TOR1AIP2: variants seen among roughly 807,000 people sequenced by gnomAD.
TOR1AIP2 encodes torsin-1A-interacting protein 2.
Under a neutral mutation model 32.6 loss-of-function variants are expected in TOR1AIP2, and 20 were observed. The observed-to-expected ratio is 0.61, with a 90% confidence interval of 0.43 to 0.89. The LOEUF is 0.89. TOR1AIP2 is among the 40% of genes least tolerant of loss of function. The pLI, the probability that TOR1AIP2 is intolerant of heterozygous loss-of-function variation, is 0.00. For missense variants in TOR1AIP2, 456 were observed against 553.8 expected (o/e 0.82, Z 1.77); for synonymous variants, 214 against 210.8 (o/e 1.02, Z -0.13).
At chr1:179,851,478 A>G in intron 4 of TOR1AIP2, 115 bp from the exon 5 acceptor site, 1 of 776,056 alleles carries the variant, frequency 1.3e-6, no homozygotes, top group Middle Eastern at 4.1e-4. Context: ...TTTACAAGAC[A>G]CTTCCTAAAC....
Position 179,850,982 on chromosome 1 carries a change from A to C in TOR1AIP2, c.416T>G (p.Leu139Arg). Residue 139 changes from leucine (L) to arginine (R), a missense_variant, in exon 5 of 7, where the codon CTC becomes CGC. Transcript: ENST00000609928. ...AGTTCCGTCACTCGCTTCCTTAGGG[A>C]GGGCCACAGAGCTGCTCCCTAAGTG... ...DAHLGSSSVA[L>R]PKEASDGTGA... 6.2e-7 allele frequency: 1 copy of C among 1,614,100 alleles called. No individual in the cohort carries two copies. The highest frequency in any genetic ancestry group is 8.5e-7 in the Non-Finnish European group (1 of 1,180,020).
rs1696081554 is a variant in TOR1AIP2, at chr1:179,850,767, G to C, written c.553+78C>G. ...AAAGATGACAAAAGTTCTCTGGAAA[G>C]AAGGCCTCTGACTTCTGCTGTGTTC... On this transcript the variant is annotated intron_variant, in intron 5 of 6. Transcript: ENST00000609928. 2.0e-6 allele frequency: 3 copies of C among 1,503,778 alleles called. No homozygotes were observed. The East Asian group carries it at 6.8e-5, about 34-fold the overall frequency. The allele number at this position is 1,503,778 out of a possible 1,614,324, so 93.2% of individuals were successfully genotyped here.
At chr1:179,848,647 T>C (rs1170098696) in intron 5 of TOR1AIP2, among the ~76,000 whole-genome samples, 1 of 152,218 alleles carries the variant, frequency 6.6e-6, no homozygotes, top group Non-Finnish European at 1.5e-5. Context: ...TCTATTAGCA[T>C]AGATGAGTAG....
chr1:179,859,553 C>T (rs771699496), intron 3 of TOR1AIP2: 14 of 985,320 alleles, frequency 1.4e-5, no homozygotes, highest in Non-Finnish European at 1.6e-5. Flanking sequence ...CAACTTTTCT[C>T]TATTTCTTCT....
intron 3 of TOR1AIP2, among the ~76,000 whole-genome samples, chr1:179,853,736 C>T (rs527654093): frequency 2.0e-5 from 3 of 152,200 alleles, no homozygotes; most frequent in South Asian, 2.1e-4. Context: ...AATGCCTACA[C>T]GGTGCCTAGT....
At chr1:179,860,837 G>A in intron 3 of TOR1AIP2, 3 of 985,460 alleles carry the variant, frequency 3.0e-6, no homozygotes, top group Non-Finnish European at 3.6e-6. Flanking sequence ...AGGGAGACTG[G>A]AGAGATGAAC....
At chr1:179,847,702 A>G in intron 5 of TOR1AIP2, 66 bp from the exon 6 acceptor site, 1 of 1,053,462 alleles carries the variant, frequency 9.5e-7, no homozygotes. Flanking sequence ...ATACCTTTAT[A>G]TCTCTCACCA....
In TOR1AIP2 at chr1:179,863,906, C is replaced by T. The variant is rs1696659695; in HGVS notation, c.-147+1530G>A. 17 of 985,344 alleles carry T rather than the reference C, an allele frequency of 1.7e-5. No homozygotes were observed. In the South Asian group the frequency reaches 7.0e-4, roughly 41 times the overall value. 61.0% of individuals were successfully genotyped at this position (985,344 alleles called of 1,614,324 possible). ...TTTTCATGAAAGTCCAGAATGTGGC[C>T]AATGTTCAGCAGACCTCCTTAGTTC... On this transcript the variant is annotated intron_variant, in intron 3 of 6. Transcript: ENST00000609928.
At chr1:179,855,841 T>G (rs1696278907) in intron 3 of TOR1AIP2, among the ~76,000 whole-genome samples, 1 of 152,220 alleles carries the variant, frequency 6.6e-6, no homozygotes, top group African/African-American at 2.4e-5. Context: ...GCATAGCAAT[T>G]AAAATAAATT....
At chr1:179,870,127 T>C (rs1571699342) in intron 2 of TOR1AIP2, among the ~76,000 whole-genome samples, 2 of 152,188 alleles carry the variant, frequency 1.3e-5, no homozygotes, top group Admixed American at 6.5e-5. Context: ...CTGGGCACGG[T>C]GGTTTACGCC....
At chr1:179,875,590 A>T (rs1475041160) in intron 2 of TOR1AIP2, 2 of 152,220 alleles carry the variant, frequency 1.3e-5, no homozygotes, top group Non-Finnish European at 2.9e-5. Flanking sequence ...TCAAGGGCTG[A>T]AGGAAAATCT....
intron 4 of TOR1AIP2, 148 bp downstream of exon 4, chr1:179,852,484 A>G: frequency 1.4e-6 from 1 of 728,574 alleles, no homozygotes; most frequent in Non-Finnish European, 2.3e-6. Flanking sequence ...AGTAAATTTG[A>G]AAGAATAAGT....
intron 3 of TOR1AIP2, chr1:179,864,735 C>G: frequency 6.6e-7 from 1 of 1,521,556 alleles, no homozygotes; most frequent in Non-Finnish European, 8.8e-7. Context: ...CCTTGGGCTA[C>G]CTACACAAAA....
Position 179,877,770 on chromosome 1 carries a change from C to T in TOR1AIP2, c.-778G>A. The T allele has an allele frequency of 6.6e-6, 1 of 152,220 alleles. No individual in the cohort carries two copies. Among genetic ancestry groups the T allele is most frequent in the East Asian group, 1.9e-4 (1 of 5,194 alleles). The allele number at this position is 152,220 out of a possible 1,614,324, so 9.4% of individuals were successfully genotyped here. A position where few individuals can be genotyped will look rare whatever the true frequency, so the allele number is the denominator to read the frequency against. The stretch of plus-strand genomic sequence containing the variant: ...CGAGTATTCTCTCCGCTCCACACCG[C>T]TCGGCTGCACCCAGCGGCCGCCGCG... On this transcript the variant is annotated 5_prime_UTR_variant, in exon 1 of 7. Transcript: ENST00000609928.
chr1:179,842,231 A>G lies in TOR1AIP2; in HGVS notation c.*3840T>C, dbSNP rs1695744164. 1 of 151,802 alleles carries G rather than the reference A, an allele frequency of 6.6e-6. No homozygotes were observed. The highest frequency in any genetic ancestry group is 2.1e-4 in the South Asian group (1 of 4,818). The allele number at this position is 151,802 out of a possible 1,614,324, so 9.4% of individuals were successfully genotyped here. A position where few individuals can be genotyped will look rare whatever the true frequency, so the allele number is the denominator to read the frequency against. ...AAAAAAAAAAGGCTGTTAAAGGGTCAAAACCATCTCAGCGGCTAGCACTAT... is the reference window on the plus strand; with the variant it reads ...AAAAAAAAAAGGCTGTTAAAGGGTCGAAACCATCTCAGCGGCTAGCACTAT... On this transcript the variant is annotated 3_prime_UTR_variant, in exon 7 of 7. Coordinates refer to ENST00000609928, the MANE Select transcript of TOR1AIP2 (RefSeq NM_001199260.2).
chr1:179,860,877 A>C (rs3737813), intron 3 of TOR1AIP2: 166,118 of 985,348 alleles, frequency 0.17, 14,678 homozygotes, highest in Non-Finnish European at 0.18. Context: ...TTTTACAGAC[A>C]GCTATGACAT....
At chr1:179,857,527 T>C (rs1166515695) in intron 3 of TOR1AIP2, among the ~76,000 whole-genome samples, 4 of 152,220 alleles carry the variant, frequency 2.6e-5, no homozygotes, top group Non-Finnish European at 5.9e-5. Flanking sequence ...TCTGTAAATG[T>C]GGCTGCCTTG....
intron 2 of TOR1AIP2, among the ~76,000 whole-genome samples, chr1:179,870,698 G>A (rs1300048671): frequency 2.0e-5 from 3 of 152,038 alleles, no homozygotes; most frequent in Non-Finnish European, 1.5e-5. Context: ...TACTAGCCTT[G>A]GTTTAAAAAC....
chr1:179,874,472 T>C (rs1016311980), intron 2 of TOR1AIP2: 5 of 152,196 alleles, frequency 3.3e-5, no homozygotes, highest in Non-Finnish European at 5.9e-5. Context: ...CTTCAAAATA[T>C]ACTGTAGTCA....
Sources: gnomAD v4.1 joint callset for allele counts (sites outside exome capture counted in the v4.1 genomes callset) on GRCh38, gnomAD v4.1.1 for gene constraint, MANE v1.5 for transcripts, NCBI Gene and HGNC (gene_info 2026-07-23, HGNC 2026-07-21) for gene names.